SORCS3: variants seen among roughly 807,000 people sequenced by gnomAD.
SORCS3 encodes the protein sortilin related VPS10 domain containing receptor 3.
SORCS3 carries 57 observed loss-of-function variants against 146.3 expected under a neutral mutation model. The ratio of observed to expected loss-of-function variants is 0.39; its 90% CI spans 0.31 to 0.49. The LOEUF is 0.49. Among genes scored for constraint, SORCS3 ranks in the 20% least tolerant of loss-of-function variants. SORCS3 has a pLI of 0.92. For synonymous variants in SORCS3, 653 were observed against 618.5 expected, an observed-to-expected ratio of 1.06 and a Z score of -0.83; for missense variants, 1,341 against 1,575.5, an observed-to-expected ratio of 0.85 and a Z score of 2.52.
chr10:105,069,027 G>A (rs1041663804), intron 5 of SORCS3, among the ~76,000 whole-genome samples: 1 of 152,110 alleles, frequency 6.6e-6, no homozygotes, highest in Non-Finnish European at 1.5e-5. Context: ...AGATCGTTTT[G>A]GAAATCAAGA....
rs530789816 is a variant in SORCS3 at position 105,157,096 on chromosome 10, G to T, written c.1483-42G>T. 39 of 1,605,384 alleles carry T rather than the reference G, an allele frequency of 2.4e-5. No individual in the cohort carries two copies. In the South Asian group the frequency reaches 4.2e-4, roughly 17 times the overall value. ...AGGGCTTCTCCAAGACCAAAGGCAT[G>T]TTGGCCCAGCATGGTTCTCCATCTC... On this transcript the variant is annotated intron_variant, in intron 9 of 26. Transcript: ENST00000369701.
chr10:104,642,373 C>T (rs1429278906), intron 1 of SORCS3, among the ~76,000 whole-genome samples: 3 of 144,578 alleles, frequency 2.1e-5, no homozygotes, highest in Non-Finnish European at 4.6e-5. Context: ...CGGGCTCCCC[C>T]TACCCCCACC....
At chr10:105,147,049 C>T (rs1161516946) in intron 8 of SORCS3, among the ~76,000 whole-genome samples, 1 of 150,628 alleles carries the variant, frequency 6.6e-6, no homozygotes, top group Non-Finnish European at 1.5e-5. Flanking sequence ...ACCTTTTGCT[C>T]CTAAAATATT....
intron 17 of SORCS3, 88 bp from the exon 18 acceptor site, chr10:105,214,354 A>G: frequency 7.9e-7 from 1 of 1,268,534 alleles, no homozygotes; most frequent in African/African-American, 1.5e-5. Context: ...GCTCTCTTAC[A>G]TTCCCTTTAT....
chr10:105,258,427 G>A (rs1400735764), intron 25 of SORCS3, among the ~76,000 whole-genome samples: 1 of 152,134 alleles, frequency 6.6e-6, no homozygotes, highest in Non-Finnish European at 1.5e-5. Flanking sequence ...ACTCAGCCAA[G>A]AATTTGATTG....
chr10:105,184,041 A>G (rs926634857), intron 14 of SORCS3, among the ~76,000 whole-genome samples: 1 of 152,182 alleles, frequency 6.6e-6, no homozygotes, highest in South Asian at 2.1e-4. Flanking sequence ...AATAACCTCT[A>G]TTGAAGAACA....
chr10:104,728,649 G>A (rs2016670253), intron 1 of SORCS3, among the ~76,000 whole-genome samples: 1 of 152,176 alleles, frequency 6.6e-6, no homozygotes, highest in South Asian at 2.1e-4. Context: ...GTTTACACTT[G>A]ACCTATCAGA....
rs566742708 is a variant in SORCS3 at position 104,703,622 on chromosome 10, A to T, written c.627+61668A>T. The stretch of plus-strand genomic sequence containing the variant: ...TGGAGGGTGGGGGGTGAGGGGAGGG[A>T]ACTTAGAGGATGGGTAAATAGGTGC... On this transcript the variant is annotated intron_variant, in intron 1 of 26. Transcript: ENST00000369701. Among the ~76,000 whole-genome samples, 8 of 151,724 alleles carry T rather than the reference A, an allele frequency of 5.3e-5. No homozygotes were observed. In the South Asian group the frequency reaches 1.3e-3, roughly 24 times the overall value.
At chr10:104,845,998 C>T (rs537579727) in intron 2 of SORCS3, among the ~76,000 whole-genome samples, 6 of 152,150 alleles carry the variant, frequency 3.9e-5, no homozygotes, top group Non-Finnish European at 8.8e-5. Flanking sequence ...TTACTCAGAG[C>T]GAATTTACAG....
At chr10:104,691,652 T>C (rs562561162) in intron 1 of SORCS3, among the ~76,000 whole-genome samples, 1 of 152,360 alleles carries the variant, frequency 6.6e-6, no homozygotes, top group African/African-American at 2.4e-5. Context: ...GCCCTGTCCC[T>C]CCCTTACCAT....
chr10:105,214,728 C>A, intron 18 of SORCS3, 115 bp downstream of exon 18: 1 of 981,238 alleles, frequency 1.0e-6, no homozygotes, highest in Non-Finnish European at 1.5e-6. Flanking sequence ...TGGTGAGAAG[C>A]TGAAATTTCT....
At chr10:104,654,942 G>A (rs1292778657) in intron 1 of SORCS3, among the ~76,000 whole-genome samples, 2 of 152,160 alleles carry the variant, frequency 1.3e-5, no homozygotes, top group African/African-American at 2.4e-5. Flanking sequence ...TACCTTCAAT[G>A]TAAAACTCAA....
chr10:104,942,011 A>G (rs1258713169), intron 3 of SORCS3, among the ~76,000 whole-genome samples: 1 of 152,246 alleles, frequency 6.6e-6, no homozygotes, highest in African/African-American at 2.4e-5. Context: ...TAAATTCTCA[A>G]TAAATCTCCC....
intron 1 of SORCS3, among the ~76,000 whole-genome samples, chr10:104,834,838 A>G (rs538607386): frequency 6.6e-6 from 1 of 152,190 alleles, no homozygotes; most frequent in East Asian, 1.9e-4. Context: ...AAAAATTATA[A>G]GGACCTGAAA....
At chr10:105,184,865 A>T (rs909267782) in intron 14 of SORCS3, among the ~76,000 whole-genome samples, 1 of 152,190 alleles carries the variant, frequency 6.6e-6, no homozygotes, top group Non-Finnish European at 1.5e-5. Context: ...TAAAGTGTAC[A>T]ATAATGTATT....
intron 6 of SORCS3, among the ~76,000 whole-genome samples, chr10:105,099,759 C>T (rs975771481): frequency 1.3e-5 from 2 of 152,168 alleles, no homozygotes; most frequent in Non-Finnish European, 2.9e-5. Flanking sequence ...AATACAGCCT[C>T]TTAGGAAGAA....
intron 1 of SORCS3, among the ~76,000 whole-genome samples, chr10:104,681,915 T>C (rs907255870): frequency 2.0e-5 from 3 of 152,214 alleles, no homozygotes; most frequent in Admixed American, 1.3e-4. Flanking sequence ...CACATATTTC[T>C]CTTTTTTTTC....
intron 1 of SORCS3, among the ~76,000 whole-genome samples, chr10:104,720,063 T>A (rs2016526799): frequency 1.3e-5 from 2 of 152,044 alleles, no homozygotes; most frequent in Non-Finnish European, 2.9e-5. Flanking sequence ...GCCATGTTGG[T>A]GTGCTGCACC....
intron 8 of SORCS3, among the ~76,000 whole-genome samples, chr10:105,144,428 A>C (rs537676699): frequency 6.6e-6 from 1 of 152,152 alleles, no homozygotes; most frequent in Admixed American, 6.6e-5. Context: ...ATGGGTATTT[A>C]TATAATGAAT....
Sources: allele counts gnomAD v4.1 joint callset (sites outside exome capture counted in the v4.1 genomes callset), GRCh38; gene constraint gnomAD v4.1.1; transcripts MANE v1.5; gene names NCBI Gene and HGNC (gene_info 2026-07-23, HGNC 2026-07-21).